Variants in ZNF396 observed in about 807,000 individuals in gnomAD.
The protein encoded by ZNF396 is zinc finger protein 396.
Under a neutral mutation model 20.5 loss-of-function variants are expected in ZNF396, and 14 were observed. The observed-to-expected ratio is 0.68, with a 90% CI of 0.45 to 1.07. The LOEUF is 1.07. Ranked by LOEUF, ZNF396 falls within the 50% of genes least tolerant of loss-of-function variation. The pLI, the probability that ZNF396 is intolerant of heterozygous loss-of-function variation, is 0.00. For synonymous variants in ZNF396, 119 were observed against 140.6 expected, an observed-to-expected ratio of 0.85 and a Z score of 1.08; for missense variants, 347 against 390.1, an observed-to-expected ratio of 0.89 and a Z score of 0.93.
chr18:35,376,300 A>C (rs942787001), intron 1 of ZNF396: 2 of 152,250 alleles, frequency 1.3e-5, no homozygotes, highest in Non-Finnish European at 1.5e-5. Context: ...AGACACACAT[A>C]TTAACAGAAT....
Position 35,369,197 on chromosome 18 carries a change from T to G in ZNF396, c.*18A>C. 1 of 1,523,110 alleles carries G rather than the reference T, an allele frequency of 6.6e-7. No homozygotes were observed. The allele number at this position is 1,523,110 out of a possible 1,614,324, so 94.3% of individuals were successfully genotyped here. A position where few individuals can be genotyped will look rare whatever the true frequency, so the allele number is the denominator to read the frequency against. Reference sequence around the variant, plus strand: ...GCTGAAATAGCTCTGAGTAAATGCTTTGATTCCCTCATGATACTTATGGGA... The same window carrying G: ...GCTGAAATAGCTCTGAGTAAATGCTGTGATTCCCTCATGATACTTATGGGA... On this transcript the variant is annotated 3_prime_UTR_variant, in exon 4 of 4. Coordinates refer to ENST00000589332, the MANE Select transcript of ZNF396 (RefSeq NM_001322286.2).
chr18:35,368,019 T>A lies in ZNF396; in HGVS notation c.*1196A>T, dbSNP rs533458155. On this transcript the variant is annotated 3_prime_UTR_variant, in exon 4 of 4. Transcript: ENST00000589332. ...GTCATCAGCAGTTACGGGCTTCCTC[T>A]TCCAGTTAAGCTGTGGTACATCTCT... The A allele has an allele frequency of 6.1e-6, 1 of 165,034 alleles. No individual in the cohort carries two copies. The highest frequency in any genetic ancestry group is 1.6e-4 in the East Asian group (1 of 6,268). 10.2% of individuals were successfully genotyped at this position (165,034 alleles called of 1,614,324 possible).
At position 35,373,499 on chromosome 18, in the gene ZNF396, C is replaced by G. The variant is rs1468008298; in HGVS notation, c.519G>C (p.Gln173His). 2 of 1,614,130 alleles carry G rather than the reference C, an allele frequency of 1.2e-6. No homozygotes were observed. The highest frequency in any genetic ancestry group is 1.7e-6 in the Non-Finnish European group (2 of 1,180,020). The change falls in exon 3 of 4, where the codon CAG becomes CAC. Residue 173 changes from glutamine to histidine, a missense_variant. By Grantham distance (24) the Gln-to-His change is conservative. Coordinates refer to ENST00000589332, the MANE Select transcript of ZNF396 (RefSeq NM_001322286.2). Reference sequence around the variant, plus strand: ...GAAGCTCCCATGATGCTCCCTGGAGCTGCTTCTTCACGGGCATGAGCTGGC... The same window carrying G: ...GAAGCTCCCATGATGCTCCCTGGAGGTGCTTCTTCACGGGCATGAGCTGGC... ...PSSQLMPVKK[Q>H]LQGASWELQS... is the part of the protein sequence containing the mutation.
In ZNF396 at chr18:35,374,923, A is replaced by G. The variant is rs2045236700; in HGVS notation, c.-72-559T>C. ...GCCCACAAGGCTACTGAATATTACA[A>G]TAAGAGATCAGCCAGGATTGCATAG... On this transcript the variant is annotated intron_variant, in intron 1 of 3. Transcript: ENST00000589332. This position sits in a 1 kb window ranked among gnomAD's most constrained non-coding sequence, Gnocchi z 4.3. 6.6e-6 allele frequency: 1 copy of G among 152,300 alleles called. No homozygotes were observed. Among genetic ancestry groups the G allele is most frequent in the South Asian group, 2.1e-4 (1 of 4,838 alleles). The allele number at this position is 152,300 out of a possible 1,614,324, so 9.4% of individuals were successfully genotyped here.
rs576505882 is a variant in ZNF396 at position 35,367,639 on chromosome 18, G to A, written c.*1576C>T. On this transcript the variant is annotated 3_prime_UTR_variant, in exon 4 of 4. Transcript: ENST00000589332. ...ATACTGTCAGAATAATTTTAATAATGTACGATTCAGTAATTTTAAACAGGG... is the reference window on the plus strand; with the variant it reads ...ATACTGTCAGAATAATTTTAATAATATACGATTCAGTAATTTTAAACAGGG... 3 of 46,948 alleles carry A rather than the reference G, an allele frequency of 6.4e-5. No homozygotes were observed. Among genetic ancestry groups the A allele is most frequent in the Admixed American group, 4.1e-4 (2 of 4,824 alleles). 2.9% of individuals were successfully genotyped at this position (46,948 alleles called of 1,614,324 possible).
In ZNF396 at chr18:35,369,800, A is replaced by G. The variant is rs528892407; in HGVS notation, c.563-140T>C. The G allele has an allele frequency of 2.5e-5, 23 of 908,714 alleles. No homozygotes were observed. In the African/African-American group the frequency reaches 3.4e-4, roughly 13 times the overall value. The allele number at this position is 908,714 out of a possible 1,614,324, so 56.3% of individuals were successfully genotyped here. ...TAAGACAAAATATTGAGAAGTTTAT[A>G]TAAGACATAGAGAAAGGTTTACATA... On this transcript the variant is annotated intron_variant, in intron 3 of 3. Transcript: ENST00000589332.
intron 2 of ZNF396, 40 bp from the exon 3 acceptor site, chr18:35,373,640 G>T (rs2045215908): frequency 6.2e-7 from 1 of 1,604,402 alleles, no homozygotes; most frequent in Admixed American, 1.7e-5. Flanking sequence ...ACACCATCAG[G>T]TTGGGACTTG....
chr18:35,373,849 G>A lies in ZNF396; in HGVS notation c.417+27C>T, dbSNP rs531579296. ...CCAGTGCTCTTGACTCAGCCTGGGG[G>A]TTCATCTCCACAGGCATCCTTCTTA... is the stretch of plus-strand genomic sequence containing the variant. On this transcript the variant is annotated intron_variant, in intron 2 of 3. Coordinates refer to ENST00000589332, the MANE Select transcript of ZNF396 (RefSeq NM_001322286.2). 1.3e-5 allele frequency: 21 copies of A among 1,589,052 alleles called. No homozygotes were observed. In the Admixed American group the frequency reaches 2.7e-4, roughly 21 times the overall value.
At chr18:35,373,769 C>A (rs971553986) in intron 2 of ZNF396, 107 bp downstream of exon 2, 2 of 1,506,386 alleles carry the variant, frequency 1.3e-6, no homozygotes, top group African/African-American at 1.4e-5. Flanking sequence ...CACCCCTATA[C>A]ATCCAGTTGT....
At position 35,368,020 on chromosome 18, in the gene ZNF396, T is replaced by A; in HGVS notation, c.*1195A>T. On this transcript the variant is annotated 3_prime_UTR_variant, in exon 4 of 4. Coordinates refer to ENST00000589332, the MANE Select transcript of ZNF396 (RefSeq NM_001322286.2). ...TCATCAGCAGTTACGGGCTTCCTCT[T>A]CCAGTTAAGCTGTGGTACATCTCTC... 6.0e-6 allele frequency: 1 copy of A among 165,318 alleles called. No individual in the cohort carries two copies. Among genetic ancestry groups the A allele is most frequent in the Non-Finnish European group, 1.3e-5 (1 of 76,652 alleles). 10.2% of individuals were successfully genotyped at this position (165,318 alleles called of 1,614,324 possible). A position where few individuals can be genotyped will look rare whatever the true frequency, so the allele number is the denominator to read the frequency against.
Position 35,367,071 on chromosome 18 carries a change from A to G in ZNF396, c.*2144T>C, listed in dbSNP as rs1160577865. Reference sequence around the variant, plus strand: ...GAAACTCTTTCCGTAATTAAGCAGTAATTCACAATATATACATCTCTGAGG... The same window carrying G: ...GAAACTCTTTCCGTAATTAAGCAGTGATTCACAATATATACATCTCTGAGG... On this transcript the variant is annotated 3_prime_UTR_variant, in exon 4 of 4. Coordinates refer to ENST00000589332, the MANE Select transcript of ZNF396 (RefSeq NM_001322286.2). 1 of 152,242 alleles carries G rather than the reference A, an allele frequency of 6.6e-6. No individual in the cohort carries two copies. Among genetic ancestry groups the G allele is most frequent in the East Asian group, 1.9e-4 (1 of 5,200 alleles). 9.4% of individuals were successfully genotyped at this position (152,242 alleles called of 1,614,324 possible).
rs2045110193 is a variant in ZNF396 at position 35,367,357 on chromosome 18, C to T, written c.*1858G>A. The T allele has an allele frequency of 1.3e-5, 2 of 152,198 alleles. No individual in the cohort carries two copies. Among genetic ancestry groups the T allele is most frequent in the Admixed American group, 1.3e-4 (2 of 15,282 alleles). 9.4% of individuals were successfully genotyped at this position (152,198 alleles called of 1,614,324 possible). ...GTAATTCCACATATTTGGAGCTCCT[C>T]TAAGCCAGTTTCTGGAGATACTCTA... On this transcript the variant is annotated 3_prime_UTR_variant, in exon 4 of 4. Transcript: ENST00000589332.
At position 35,368,654 on chromosome 18, in the gene ZNF396, G is replaced by C; in HGVS notation, c.*561C>G. On this transcript the variant is annotated 3_prime_UTR_variant, in exon 4 of 4. Transcript: ENST00000589332. The stretch of plus-strand genomic sequence containing the variant: ...TTTAGTAGAGACGGGGTTTCGCCGT[G>C]TTGTCCAGGCTGGTCTTGAACTCCT... 1.4e-6 allele frequency: 1 copy of C among 705,032 alleles called. No individual in the cohort carries two copies. The highest frequency in any genetic ancestry group is 1.7e-6 in the Non-Finnish European group (1 of 572,012). 43.7% of individuals were successfully genotyped at this position (705,032 alleles called of 1,614,324 possible).
In ZNF396 at chr18:35,374,095, G is replaced by C. The variant is rs779624656; in HGVS notation, c.198C>G (p.Pro66=). The change falls in exon 2 of 4, where the codon CCC becomes CCG. Residue 66 remains proline (P), a synonymous_variant. Transcript: ENST00000589332. This position sits in a 1 kb window ranked among gnomAD's most constrained non-coding sequence, Gnocchi z 4.3. ...RQFGYQDSPG[P]HEALSRLWEL... ...CCCAGAGCCGGCTCAGAGCCTCATG[G>C]GGCCCAGGTGAATCCTGGTAGCCAA... is the stretch of plus-strand genomic sequence containing the variant. The C allele has an allele frequency of 6.2e-7, 1 of 1,614,228 alleles. No individual in the cohort carries two copies. Among genetic ancestry groups the C allele is most frequent in the Admixed American group, 1.7e-5 (1 of 60,030 alleles).
In ZNF396 at chr18:35,369,022, A is replaced by T; in HGVS notation, c.*193T>A. The T allele has an allele frequency of 1.5e-6, 2 of 1,362,906 alleles. No homozygotes were observed. Among genetic ancestry groups the T allele is most frequent in the South Asian group, 4.1e-5 (2 of 48,594 alleles). The allele number at this position is 1,362,906 out of a possible 1,614,324, so 84.4% of individuals were successfully genotyped here. On this transcript the variant is annotated 3_prime_UTR_variant, in exon 4 of 4. Transcript: ENST00000589332. The stretch of plus-strand genomic sequence containing the variant: ...TGGAATTGCAAACGTCAGAATTGAG[A>T]CTGCATTGATAAGCAGAAAAGCAAA...
At position 35,369,390 on chromosome 18, in the gene ZNF396, G is replaced by A. The variant is rs374149724; in HGVS notation, c.833C>T (p.Pro278Leu). Residue 278 changes from proline to leucine, a missense_variant, in exon 4 of 4, where the codon CCT (proline) becomes CTT (leucine). Physicochemically the swap from Pro to Leu is moderately conservative, Grantham distance 98. Coordinates refer to ENST00000589332, the MANE Select transcript of ZNF396 (RefSeq NM_001322286.2). Reference sequence around the variant, plus strand: ...CTTTGCACACTCGTCACATGCATAAGGTTTCTTTCCACTGTGGATTCTCTG... The same window carrying A: ...CTTTGCACACTCGTCACATGCATAAAGTTTCTTTCCACTGTGGATTCTCTG... Reference protein sequence around the residue: ...LHQRIHSGKKPYACDECAKAF... With the variant: ...LHQRIHSGKKLYACDECAKAF... The A allele has an allele frequency of 1.2e-6, 2 of 1,614,210 alleles. No individual in the cohort carries two copies. The highest frequency in any genetic ancestry group is 2.2e-5 in the South Asian group (2 of 91,084).
At chr18:35,373,623 C>T (rs778093086) in intron 2 of ZNF396, 23 bp from the exon 3 acceptor site, 4 of 1,611,498 alleles carry the variant, frequency 2.5e-6, no homozygotes, top group African/African-American at 1.3e-5. Context: ...ATAATTGAGG[C>T]TGAAGAACAC....
At chr18:35,376,598 A>G (rs776372130) in intron 1 of ZNF396, among the ~76,000 whole-genome samples, 13 of 152,144 alleles carry the variant, frequency 8.5e-5, no homozygotes, top group Non-Finnish European at 1.9e-4. Flanking sequence ...GCGCTCCCAG[A>G]TGAAGCGGGG....
chr18:35,368,650 C>T lies in ZNF396; in HGVS notation c.*565G>A, dbSNP rs2045129329. On this transcript the variant is annotated 3_prime_UTR_variant, in exon 4 of 4. Coordinates refer to ENST00000589332, the MANE Select transcript of ZNF396 (RefSeq NM_001322286.2). ...GAATTTTAGTAGAGACGGGGTTTCG[C>T]CGTGTTGTCCAGGCTGGTCTTGAAC... 4.4e-6 allele frequency: 3 copies of T among 677,350 alleles called. No homozygotes were observed. The highest frequency in any genetic ancestry group is 3.7e-6 in the Non-Finnish European group (2 of 546,768). 42.0% of individuals were successfully genotyped at this position (677,350 alleles called of 1,614,324 possible). A position where few individuals can be genotyped will look rare whatever the true frequency, so the allele number is the denominator to read the frequency against.
Sources: gnomAD v4.1 joint callset for allele counts (sites outside exome capture counted in the v4.1 genomes callset) on GRCh38, gnomAD v4.1.1 for gene constraint, Gnocchi (gnomAD v3.1) non-coding constraint, MANE v1.5 for transcripts, NCBI Gene and HGNC (gene_info 2026-07-23, HGNC 2026-07-21) for gene names.